Variants in CTNND2 observed in about 807,000 individuals in gnomAD.
The protein encoded by CTNND2 is catenin delta 2, also known as catenin delta-2.
A neutral mutation model predicts 144.4 loss-of-function variants in CTNND2; 22 were observed. The ratio of observed to expected loss-of-function variants is 0.15; its 90% CI spans 0.11 to 0.22. The LOEUF is 0.22. Ranked by LOEUF, CTNND2 falls within the 10% of genes least tolerant of loss-of-function variation. CTNND2 has a pLI of 1.00. For synonymous variants in CTNND2, 751 were observed against 695.6 expected (o/e 1.08, Z -1.25); for missense variants, 1,353 against 1,618.8 (o/e 0.84, Z 2.82).
intron 1 of CTNND2, among the ~76,000 whole-genome samples, chr5:11,774,811 A>C (rs1790160702): frequency 6.6e-6 from 1 of 152,214 alleles, no homozygotes; most frequent in Non-Finnish European, 1.5e-5. Context: ...CACACAGGTA[A>C]CTGCACATTA....
intron 1 of CTNND2, among the ~76,000 whole-genome samples, chr5:11,820,511 G>A (rs1793252946): frequency 6.6e-6 from 1 of 152,116 alleles, no homozygotes; most frequent in Non-Finnish European, 1.5e-5. Flanking sequence ...TTAACTCTAT[G>A]GTGAATTAGT....
chr5:11,144,470 C>T (rs1757054793), intron 12 of CTNND2, among the ~76,000 whole-genome samples: 1 of 152,138 alleles, frequency 6.6e-6, no homozygotes, highest in African/African-American at 2.4e-5. Flanking sequence ...CCCACTTGGA[C>T]TCACCTGTGC....
intron 11 of CTNND2, among the ~76,000 whole-genome samples, chr5:11,166,910 A>G (rs1437387246): frequency 6.6e-6 from 1 of 152,188 alleles, no homozygotes; most frequent in Non-Finnish European, 1.5e-5. Context: ...TAAAAAATTA[A>G]AGCGTTTATC....
intron 1 of CTNND2, among the ~76,000 whole-genome samples, chr5:11,794,446 G>A (rs1003690748): frequency 3.3e-5 from 5 of 152,206 alleles, no homozygotes; most frequent in Non-Finnish European, 7.3e-5. Flanking sequence ...TAAGAGATCA[G>A]AGCGGCCTTA....
At chr5:11,238,670 C>G (rs1291115575) in intron 9 of CTNND2, among the ~76,000 whole-genome samples, 2 of 152,086 alleles carry the variant, frequency 1.3e-5, no homozygotes, top group East Asian at 3.9e-4. Flanking sequence ...AATTTACATA[C>G]AGTCAGACAG....
chr5:11,508,167 C>G (rs531674291), intron 3 of CTNND2, among the ~76,000 whole-genome samples: 5 of 152,266 alleles, frequency 3.3e-5, no homozygotes, highest in Non-Finnish European at 4.4e-5. Context: ...AACAATTCAG[C>G]TACTGTAAAC....
intron 11 of CTNND2, among the ~76,000 whole-genome samples, chr5:11,165,749 T>G (rs1294117183): frequency 6.6e-6 from 1 of 152,230 alleles, no homozygotes; most frequent in Non-Finnish European, 1.5e-5. Flanking sequence ...TCCATATTCA[T>G]GAGCAATGAT....
chr5:11,441,627 T>C (rs182117414), intron 3 of CTNND2, among the ~76,000 whole-genome samples: 1,674 of 138,010 alleles, frequency 0.012, 17 homozygotes, highest in Non-Finnish European at 0.02. Context: ...GGTAATCCAC[T>C]CCCCACCCCC....
intron 15 of CTNND2, chr5:11,084,057 T>C: frequency 1.6e-6 from 1 of 633,576 alleles, no homozygotes. Flanking sequence ...TGTATGCTTT[T>C]GTCTCACCTC....
intron 3 of CTNND2, among the ~76,000 whole-genome samples, chr5:11,497,477 ATATGT>A (rs1275162949): frequency 8.5e-6 from 1 of 118,168 alleles, no homozygotes; most frequent in Admixed American, 1.2e-4. Flanking sequence ...GACAGGAATG[ATATGT>A]TGACATCCAT....
At chr5:11,282,377 G>C (rs1303874861) in intron 9 of CTNND2, among the ~76,000 whole-genome samples, 1 of 152,154 alleles carries the variant, frequency 6.6e-6, no homozygotes, top group Non-Finnish European at 1.5e-5. Context: ...TTCCGGACTT[G>C]ATACCCTCTC....
At chr5:11,136,969 C>G (rs111252373) in intron 12 of CTNND2, among the ~76,000 whole-genome samples, 2,210 of 152,310 alleles carry the variant, frequency 0.015, 60 homozygotes, top group African/African-American at 0.051. Context: ...TTCACAATTC[C>G]CACCCCACTG....
chr5:11,470,980 A>ATTTT (rs1171276873), intron 3 of CTNND2, among the ~76,000 whole-genome samples: 6 of 91,534 alleles, frequency 6.6e-5, no homozygotes, highest in African/African-American at 1.1e-4. Context: ...ATATATATAT[A>ATTTT]TTTTTTTTTT....
At chr5:11,866,818 C>T (rs943516095) in intron 1 of CTNND2, among the ~76,000 whole-genome samples, 16 of 152,176 alleles carry the variant, frequency 1.1e-4, no homozygotes, top group African/African-American at 3.1e-4. Context: ...TGGAATTCTT[C>T]GCGTGATCAA....
intron 2 of CTNND2, among the ~76,000 whole-genome samples, chr5:11,663,885 T>C (rs191026855): frequency 5.1e-4 from 78 of 152,306 alleles, no homozygotes; most frequent in African/African-American, 1.7e-3. Context: ...TAAATTATAT[T>C]AGTTTGTGAA....
chr5:11,804,541 G>A (rs908921385), intron 1 of CTNND2, among the ~76,000 whole-genome samples: 1 of 152,138 alleles, frequency 6.6e-6, no homozygotes, highest in Non-Finnish European at 1.5e-5. Context: ...GAGCTATCAA[G>A]CCATGAAAAG....
intron 12 of CTNND2, among the ~76,000 whole-genome samples, chr5:11,155,497 C>T (rs1486166796): frequency 6.6e-6 from 1 of 152,118 alleles, no homozygotes; most frequent in Non-Finnish European, 1.5e-5. Context: ...GCAAAAGGAA[C>T]AACTAGCAAA....
chr5:11,494,400 G>C (rs1202636853), intron 3 of CTNND2, among the ~76,000 whole-genome samples: 1 of 152,068 alleles, frequency 6.6e-6, no homozygotes, highest in Non-Finnish European at 1.5e-5. Context: ...CAAAAAAAGA[G>C]AGTGATTTCT....
intron 18 of CTNND2, among the ~76,000 whole-genome samples, chr5:10,998,983 T>C (rs943296431): frequency 6.6e-6 from 1 of 152,176 alleles, no homozygotes; most frequent in Non-Finnish European, 1.5e-5. Flanking sequence ...TCATGGAAAC[T>C]CATGGAACAC....
Sources: allele counts gnomAD v4.1 joint callset (sites outside exome capture counted in the v4.1 genomes callset), GRCh38; gene constraint gnomAD v4.1.1; transcripts MANE v1.5; gene names NCBI Gene and HGNC (gene_info 2026-07-23, HGNC 2026-07-21).